Variants in TRMT11 observed in about 807,000 individuals in gnomAD.
The protein encoded by TRMT11 is tRNA methyltransferase 11, also known as tRNA (guanine(10)-N(2))-methyltransferase TRMT11.
Under a neutral mutation model 62.8 loss-of-function variants are expected in TRMT11, and 53 were observed. The ratio of observed to expected loss-of-function variants is 0.84; its 90% CI spans 0.68 to 1.06. TRMT11 has a LOEUF of 1.06. TRMT11 is among the 50% of genes least tolerant of loss of function. The pLI is 0.00. For synonymous variants in TRMT11, 188 were observed against 190.3 expected, an observed-to-expected ratio of 0.99 and a Z score of 0.10; for missense variants, 556 against 553.4, an observed-to-expected ratio of 1.00 and a Z score of -0.05.
At chr6:126,249,587 A>G in the TRMT11 span, among the ~76,000 whole-genome samples, 2 of 152,198 alleles carry the variant, frequency 1.3e-5, no homozygotes, top group Admixed American at 6.5e-5. Flanking sequence ...CCTAAAATGG[A>G]TAAGTCAAGA....
chr6:125,989,327 C>G (rs1203403431), intron 1 of TRMT11, among the ~76,000 whole-genome samples: 2 of 151,774 alleles, frequency 1.3e-5, no homozygotes, highest in Non-Finnish European at 2.9e-5. Context: ...GGGCTTTCAC[C>G]ATGTTGGCCA....
intron 8 of TRMT11, chr6:126,009,513 G>GC (rs1448624330): frequency 6.6e-6 from 1 of 151,892 alleles, no homozygotes; most frequent in Non-Finnish European, 1.5e-5. Flanking sequence ...ACTGGGATCA[G>GC]CCCTTATAAT....
intron 17 of TRMT11, among the ~76,000 whole-genome samples, chr6:126,088,847 C>T (rs902228907): frequency 1.3e-5 from 2 of 152,176 alleles, no homozygotes; most frequent in Non-Finnish European, 2.9e-5. Flanking sequence ...AGAGAATTGA[C>T]TTATATTGCT....
At chr6:126,016,719 T>G (rs1795034562) in intron 11 of TRMT11, among the ~76,000 whole-genome samples, 1 of 150,780 alleles carries the variant, frequency 6.6e-6, no homozygotes, top group African/African-American at 2.4e-5. Flanking sequence ...TTTTTTGTCT[T>G]AGATGTTTTA....
chr6:126,138,081 G>C (rs1268376701), intron 21 of TRMT11, among the ~76,000 whole-genome samples: 1 of 151,810 alleles, frequency 6.6e-6, no homozygotes, highest in Non-Finnish European at 1.5e-5. Flanking sequence ...ATAATTTATT[G>C]TATATTTCAA....
chr6:126,235,124 A>G, the TRMT11 span, among the ~76,000 whole-genome samples: 1 of 152,240 alleles, frequency 6.6e-6, no homozygotes, highest in Non-Finnish European at 1.5e-5. Flanking sequence ...ACTGATCATT[A>G]GAGCAATGCA....
the TRMT11 span, among the ~76,000 whole-genome samples, chr6:126,266,767 AT>A: frequency 2.0e-5 from 3 of 152,030 alleles, no homozygotes; most frequent in Admixed American, 1.3e-4. Context: ...GGATTTCAAC[AT>A]TTTTTCCTGG....
intron 16 of TRMT11, among the ~76,000 whole-genome samples, chr6:126,045,671 C>T (rs1310095829): frequency 6.6e-6 from 1 of 152,112 alleles, no homozygotes; most frequent in Non-Finnish European, 1.5e-5. Context: ...AGCTTCAAGT[C>T]CACCCCACTA....
chr6:126,011,116 T>C, intron 8 of TRMT11, 137 bp from the exon 9 acceptor site: 4 of 656,634 alleles, frequency 6.1e-6, no homozygotes, highest in Non-Finnish European at 9.9e-6. Context: ...CTTGTATACA[T>C]AAAATTAAGA....
intron 21 of TRMT11, among the ~76,000 whole-genome samples, chr6:126,167,346 A>ATG (rs1168431805): frequency 6.6e-6 from 1 of 152,168 alleles, no homozygotes; most frequent in Non-Finnish European, 1.5e-5. Flanking sequence ...AGTCCCTAAC[A>ATG]GCTTCCCTTG....
chr6:126,038,653 A>G (rs1366894742), intron 12 of TRMT11, 52 bp from the exon 13 acceptor site: 9 of 1,497,838 alleles, frequency 6.0e-6, no homozygotes, highest in Middle Eastern at 3.6e-4. Context: ...CTGCTTTGGT[A>G]TAAGCTAACT....
intron 1 of TRMT11, among the ~76,000 whole-genome samples, chr6:126,198,446 T>C (rs9491585): frequency 0.043 from 6,591 of 152,256 alleles, 325 homozygotes; most frequent in African/African-American, 0.12. Flanking sequence ...GTCTCTCTAT[T>C]TCCATATCTT....
chr6:126,144,387 G>A (rs187714086), intron 21 of TRMT11, among the ~76,000 whole-genome samples: 15 of 152,248 alleles, frequency 9.9e-5, no homozygotes, highest in Admixed American at 9.8e-4. Flanking sequence ...CCCAGGCTCC[G>A]TGTTCCTTGG....
At chr6:126,112,977 A>G (rs1358619146) in intron 18 of TRMT11, among the ~76,000 whole-genome samples, 2 of 152,174 alleles carry the variant, frequency 1.3e-5, no homozygotes, top group East Asian at 3.9e-4. Flanking sequence ...TTTCTAGACC[A>G]CCAAATCTGT....
chr6:126,202,884 C>T (rs9491589), downstream of TRMT11, among the ~76,000 whole-genome samples: 15,935 of 152,110 alleles, frequency 0.1, 2,764 homozygotes, highest in African/African-American at 0.36. Context: ...CTGATGACCT[C>T]ATTCATTTAT....
chr6:126,131,550 G>A (rs542015433), intron 21 of TRMT11, among the ~76,000 whole-genome samples: 4 of 151,976 alleles, frequency 2.6e-5, no homozygotes, highest in African/African-American at 9.6e-5. Flanking sequence ...GCACAGAAAC[G>A]AGGCCAGACT....
At chr6:126,124,017 C>A (rs1215183807) in intron 21 of TRMT11, among the ~76,000 whole-genome samples, 1 of 151,820 alleles carries the variant, frequency 6.6e-6, no homozygotes, top group Non-Finnish European at 1.5e-5. Context: ...CTGCTTCCTG[C>A]ACTGTTTTCT....
chr6:126,048,295 G>T (rs1191049923), intron 16 of TRMT11, among the ~76,000 whole-genome samples: 1 of 152,160 alleles, frequency 6.6e-6, no homozygotes, highest in Non-Finnish European at 1.5e-5. Context: ...GAAGTAGTTG[G>T]TCTGGTCATT....
At chr6:126,156,327 C>T (rs1778121399) in intron 21 of TRMT11, among the ~76,000 whole-genome samples, 1 of 152,198 alleles carries the variant, frequency 6.6e-6, no homozygotes, top group Non-Finnish European at 1.5e-5. Flanking sequence ...GGGGGCTCCA[C>T]CCCACATTTC....
Sources: gnomAD v4.1 joint callset for allele counts (sites outside exome capture counted in the v4.1 genomes callset) on GRCh38, gnomAD v4.1.1 for gene constraint, MANE v1.5 for transcripts, NCBI Gene and HGNC (gene_info 2026-07-23, HGNC 2026-07-21) for gene names.